KPNA1: variants seen among roughly 807,000 people sequenced by gnomAD.
KPNA1 encodes the protein karyopherin subunit alpha 1, also known as importin subunit alpha-5.
KPNA1 carries 10 observed loss-of-function variants against 70.5 expected under a neutral mutation model. The observed-to-expected ratio is 0.14, with a 90% CI of 0.09 to 0.24. The LOEUF is 0.24. KPNA1 is among the 10% of genes least tolerant of loss of function. The pLI is 1.00. For synonymous variants in KPNA1, 192 were observed against 221.9 expected (o/e 0.87, Z 1.20); for missense variants, 397 against 637.9 (o/e 0.62, Z 4.07).
chr3:122,430,170 G>A (rs1055616087), intron 12 of KPNA1, among the ~76,000 whole-genome samples: 1 of 151,820 alleles, frequency 6.6e-6, no homozygotes, highest in Non-Finnish European at 1.5e-5. Flanking sequence ...CATAACTTTT[G>A]TTTTGTAAAT....
intron 3 of KPNA1, among the ~76,000 whole-genome samples, chr3:122,466,136 A>C (rs765831706): frequency 1.6e-4 from 25 of 152,208 alleles, no homozygotes; most frequent in African/African-American, 4.6e-4. Flanking sequence ...AAAGGAAATA[A>C]TACTACCCTC....
chr3:122,457,763 T>TG, intron 5 of KPNA1: 1 of 1,289,836 alleles, frequency 7.8e-7, no homozygotes, highest in Non-Finnish European at 1.0e-6. Flanking sequence ...GAGGTACGCC[T>TG]GGTTCCCTTT....
At chr3:122,496,331 C>CAT in intron 2 of KPNA1, 106 bp downstream of exon 2, 1 of 910,384 alleles carries the variant, frequency 1.1e-6, no homozygotes, top group Non-Finnish European at 1.7e-6. Flanking sequence ...CACACACACA[C>CAT]ACACACACAC....
At chr3:122,448,059 G>A (rs138952352) in intron 9 of KPNA1, among the ~76,000 whole-genome samples, 2 of 152,232 alleles carry the variant, frequency 1.3e-5, no homozygotes, top group East Asian at 1.9e-4. Flanking sequence ...AAACCACAAT[G>A]AGATACTATC....
At chr3:122,508,140 CAAAT>C (rs1444881562) in intron 1 of KPNA1, among the ~76,000 whole-genome samples, 2 of 151,190 alleles carry the variant, frequency 1.3e-5, no homozygotes, top group Non-Finnish European at 2.9e-5. Flanking sequence ...ATTTTTTTTT[CAAAT>C]AAATGAACCA....
rs748751423 is a variant in KPNA1, at chr3:122,495,262, C to CAAAAAAAAAAAAAAAAAAA, written c.129+1174_129+1175insTTTTTTTTTTTTTTTTTTT. On this transcript the variant is annotated intron_variant, in intron 2 of 13. Transcript: ENST00000344337. Reference sequence around the variant, plus strand: ...GAGCGAGACTCTGCCTCAAACAAACCAAAAAAAAAAAAAGAAAAGGAAATT... The same window carrying CAAAAAAAAAAAAAAAAAAA: ...GAGCGAGACTCTGCCTCAAACAAACCAAAAAAAAAAAAAAAAAAAAAAAAAAAAAAAAGAAAAGGAAATT... Among the ~76,000 whole-genome samples the CAAAAAAAAAAAAAAAAAAA allele has an allele frequency of 7.7e-3, 652 of 85,218 alleles. 12 individuals carry two copies. Among genetic ancestry groups the CAAAAAAAAAAAAAAAAAAA allele is most frequent in the East Asian group, 0.017 (44 of 2,530 alleles). The allele number at this position is 85,218 out of a possible 152,430, so 55.9% of individuals were successfully genotyped here.
Position 122,467,335 on chromosome 3 carries a change from A to G in KPNA1, c.224T>C (p.Met75Thr), listed in dbSNP as rs1278219654. 2 of 1,560,290 alleles carry G rather than the reference A, an allele frequency of 1.3e-6. No homozygotes were observed. The highest frequency in any genetic ancestry group is 1.8e-6 in the Non-Finnish European group (2 of 1,133,316). Reference protein sequence around the residue: ...GGFHEAQISNMEMAPGGVITS... With the variant: ...GGFHEAQISNTEMAPGGVITS... ...TCATTATCTTACTGGTGCCATCTCCATGTTACTAATCTGAGCCTCATGAAA... is the reference window on the plus strand; with the variant it reads ...TCATTATCTTACTGGTGCCATCTCCGTGTTACTAATCTGAGCCTCATGAAA... Residue 75 changes from methionine to threonine, a missense_variant, in exon 3 of 14, where the codon ATG becomes ACG. Met to Thr is a moderately conservative substitution (Grantham distance 81). Coordinates refer to ENST00000344337, the MANE Select transcript of KPNA1 (RefSeq NM_002264.4).
At chr3:122,449,227 TAAA>T (rs2076172986) in intron 9 of KPNA1, among the ~76,000 whole-genome samples, 1 of 152,224 alleles carries the variant, frequency 6.6e-6, no homozygotes, top group African/African-American at 2.4e-5. Context: ...AAATAAGCTC[TAAA>T]TGAGACAGAC....
At chr3:122,431,224 C>T (rs1350901421) in intron 12 of KPNA1, among the ~76,000 whole-genome samples, 4 of 152,086 alleles carry the variant, frequency 2.6e-5, no homozygotes, top group Non-Finnish European at 1.5e-5. Context: ...TGCAGTGGCA[C>T]GATCTTGTCT....
intron 8 of KPNA1, among the ~76,000 whole-genome samples, chr3:122,451,125 G>A (rs1281695305): frequency 6.6e-6 from 1 of 151,428 alleles, no homozygotes; most frequent in Non-Finnish European, 1.5e-5. Context: ...AACACCACCT[G>A]TTCCCCAAAA....
chr3:122,480,515 A>G (rs2076559098), intron 2 of KPNA1, among the ~76,000 whole-genome samples: 1 of 152,190 alleles, frequency 6.6e-6, no homozygotes, highest in South Asian at 2.1e-4. Context: ...AACTGAATGA[A>G]TTCATCATAA....
intron 2 of KPNA1, among the ~76,000 whole-genome samples, chr3:122,480,597 A>C (rs1485614926): frequency 6.6e-6 from 1 of 152,162 alleles, no homozygotes; most frequent in East Asian, 1.9e-4. Context: ...GATGAAATAC[A>C]GATCTACAAA....
intron 8 of KPNA1, among the ~76,000 whole-genome samples, chr3:122,450,475 G>A (rs969849184): frequency 1.1e-4 from 17 of 152,194 alleles, no homozygotes; most frequent in African/African-American, 3.9e-4. Flanking sequence ...CCAGCTACTC[G>A]GGAGGCTGAG....
In KPNA1 at chr3:122,424,635, G is replaced by A. The variant is rs1002977002; in HGVS notation, c.*2350C>T. 6.6e-6 allele frequency: 1 copy of A among 152,538 alleles called. No individual in the cohort carries two copies. Among genetic ancestry groups the A allele is most frequent in the Non-Finnish European group, 1.5e-5 (1 of 68,038 alleles). 9.4% of individuals were successfully genotyped at this position (152,538 alleles called of 1,614,324 possible). On this transcript the variant is annotated 3_prime_UTR_variant, in exon 14 of 14. Transcript: ENST00000344337. ...ATCTCCAACTACTAGCAAAAATTCC[G>A]AATGTCTGAATGCACACTACTCTTC... is the stretch of plus-strand genomic sequence containing the variant.
chr3:122,428,694 T>A (rs61657685), intron 12 of KPNA1, among the ~76,000 whole-genome samples: 3,432 of 152,280 alleles, frequency 0.023, 92 homozygotes, highest in East Asian at 0.12. Context: ...AAATGACTGA[T>A]GTGAACAGGC....
At chr3:122,495,262 C>CAAA (rs748751423) in intron 2 of KPNA1, among the ~76,000 whole-genome samples, 7 of 86,492 alleles carry the variant, frequency 8.1e-5, no homozygotes, top group African/African-American at 1.7e-4. Context: ...TCAAACAAAC[C>CAAA]AAAAAAAAAA....
chr3:122,477,047 A>T lies in KPNA1; in HGVS notation c.130-9618T>A, dbSNP rs564714866. Among the ~76,000 whole-genome samples the T allele has an allele frequency of 2.0e-5, 3 of 152,266 alleles. No homozygotes were observed. The South Asian group carries it at 6.2e-4, about 32-fold the overall frequency. On this transcript the variant is annotated intron_variant, in intron 2 of 13. Transcript: ENST00000344337. ...TCAACCTAAGTGTCCATCTCAGATG[A>T]ATGGAGCAAAAAAGTGTGGTCTATA...
intron 2 of KPNA1, chr3:122,483,119 T>C (rs1246833417): frequency 6.4e-6 from 1 of 155,788 alleles, no homozygotes; most frequent in African/African-American, 2.4e-5. Flanking sequence ...AGGATACATC[T>C]TCAGACAAAA....
At chr3:122,508,830 C>T (rs1017549029) in intron 1 of KPNA1, among the ~76,000 whole-genome samples, 3 of 152,130 alleles carry the variant, frequency 2.0e-5, no homozygotes, top group Non-Finnish European at 2.9e-5. Flanking sequence ...CACAAGACTA[C>T]CAGACATCTG....
Sources: allele counts gnomAD v4.1 joint callset (sites outside exome capture counted in the v4.1 genomes callset), GRCh38; gene constraint gnomAD v4.1.1; transcripts MANE v1.5; gene names NCBI Gene and HGNC (gene_info 2026-07-23, HGNC 2026-07-21).